Variants in MLLT3 observed in about 807,000 individuals in gnomAD.
MLLT3 encodes the protein MLLT3 super elongation complex subunit.
Under a neutral mutation model 53.2 loss-of-function variants are expected in MLLT3, and 4 were observed. The ratio of observed to expected loss-of-function variants is 0.08; its 90% CI spans 0.04 to 0.17. The LOEUF (loss-of-function observed/expected upper bound fraction) is 0.17. Ranked by LOEUF, MLLT3 falls within the 10% of genes least tolerant of loss-of-function variation. The pLI is 1.00. For missense variants in MLLT3, 569 were observed against 684.0 expected, an observed-to-expected ratio of 0.83 and a Z score of 1.87; for synonymous variants, 283 against 230.6, an observed-to-expected ratio of 1.23 and a Z score of -2.06.
intron 2 of MLLT3, among the ~76,000 whole-genome samples, chr9:20,583,126 T>C (rs1270538496): frequency 1.3e-5 from 2 of 152,124 alleles, no homozygotes; most frequent in Non-Finnish European, 2.9e-5. Flanking sequence ...AATACAACCA[T>C]TCCAAATGGG....
At position 20,493,368 on chromosome 9, in the gene MLLT3, C is replaced by T. The variant is rs1323387838; in HGVS notation, c.194-36582G>A. 3.9e-5 allele frequency among the ~76,000 whole-genome samples: 6 copies of T among 152,126 alleles called. No individual in the cohort carries two copies. The East Asian group carries it at 9.6e-4, about 24-fold the overall frequency. ...AACCAGGTTAATCTGACCTATCCAA[C>T]TCCAGCTTAGCTTTTAACACCCTGA... On this transcript the variant is annotated intron_variant, in intron 2 of 10. Transcript: ENST00000380338.
intron 10 of MLLT3, among the ~76,000 whole-genome samples, chr9:20,349,626 C>G (rs1398664635): frequency 2.0e-5 from 3 of 152,068 alleles, no homozygotes; most frequent in Non-Finnish European, 2.9e-5. Flanking sequence ...AAATAGAAAA[C>G]TGGGCAATAA....
Position 20,620,624 on chromosome 9 carries a change from T to C in MLLT3, c.193+30A>G, listed in dbSNP as rs765309383. ...AAGCGATTGTTTCAAAGACATTTTTTATCAAGACCCTTTTGTATTCGAGCC... is the reference window on the plus strand; with the variant it reads ...AAGCGATTGTTTCAAAGACATTTTTCATCAAGACCCTTTTGTATTCGAGCC... On this transcript the variant is annotated intron_variant, in intron 2 of 10. Transcript: ENST00000380338. This position sits in a 1 kb window ranked among gnomAD's most constrained non-coding sequence, Gnocchi z 6.1. 2 of 1,596,706 alleles carry C rather than the reference T, an allele frequency of 1.3e-6. No homozygotes were observed. Among genetic ancestry groups the C allele is most frequent in the African/African-American group, 1.3e-5 (1 of 74,420 alleles).
intron 2 of MLLT3, among the ~76,000 whole-genome samples, chr9:20,539,098 G>A (rs1818559126): frequency 6.6e-6 from 1 of 152,192 alleles, no homozygotes; most frequent in African/African-American, 2.4e-5. Flanking sequence ...CTGAAGGCTG[G>A]AGTAGCTGTG....
chr9:20,583,607 G>C (rs1299474592), intron 2 of MLLT3, among the ~76,000 whole-genome samples: 3 of 152,146 alleles, frequency 2.0e-5, no homozygotes, highest in Admixed American at 2.0e-4. Context: ...CTCAATCCTT[G>C]ACTTCTGTTG....
chr9:20,506,156 G>A (rs1185812591), intron 2 of MLLT3, among the ~76,000 whole-genome samples: 1 of 151,660 alleles, frequency 6.6e-6, no homozygotes, highest in Non-Finnish European at 1.5e-5. Context: ...CCAGGTTCAA[G>A]CAATTCTCCT....
At chr9:20,577,826 T>C (rs1325040776) in intron 2 of MLLT3, among the ~76,000 whole-genome samples, 4 of 152,208 alleles carry the variant, frequency 2.6e-5, no homozygotes, top group Non-Finnish European at 5.9e-5. Context: ...TCTGCTGCTG[T>C]GATAATGGAA....
At chr9:20,525,773 C>G (rs1289125937) in intron 2 of MLLT3, among the ~76,000 whole-genome samples, 1 of 152,154 alleles carries the variant, frequency 6.6e-6, no homozygotes, top group African/African-American at 2.4e-5. Context: ...ATGTGTCAGT[C>G]CAGGCTTTTA....
chr9:20,493,735 CTA>C (rs779408304), intron 2 of MLLT3, among the ~76,000 whole-genome samples: 1 of 151,960 alleles, frequency 6.6e-6, no homozygotes, highest in Non-Finnish European at 1.5e-5. Flanking sequence ...GTTAAAGAAA[CTA>C]TGAAAAATAG....
intron 4 of MLLT3, among the ~76,000 whole-genome samples, chr9:20,430,837 T>C (rs942992056): frequency 4.0e-5 from 6 of 151,868 alleles, no homozygotes; most frequent in African/African-American, 1.5e-4. Context: ...CAATAGTAAA[T>C]AGAAACAACA....
intron 2 of MLLT3, 128 bp from the exon 3 acceptor site, chr9:20,456,914 C>T (rs1295435871): frequency 2.4e-5 from 15 of 631,266 alleles, no homozygotes; most frequent in African/African-American, 3.9e-5. Flanking sequence ...TGCCAAACTC[C>T]CAGTTGAGTC....
intron 2 of MLLT3, among the ~76,000 whole-genome samples, chr9:20,554,723 A>G (rs1027364213): frequency 3.9e-5 from 6 of 152,222 alleles, no homozygotes; most frequent in Admixed American, 3.9e-4. Flanking sequence ...GTATATAGCT[A>G]TTAAGTACCT....
At chr9:20,368,774 T>C (rs1417855550) in intron 5 of MLLT3, among the ~76,000 whole-genome samples, 1 of 152,074 alleles carries the variant, frequency 6.6e-6, no homozygotes, top group African/African-American at 2.4e-5. Context: ...TGCCACAAAG[T>C]ATTTGAGAAG....
chr9:20,385,888 T>A (rs1057213636), intron 5 of MLLT3, among the ~76,000 whole-genome samples: 1 of 152,216 alleles, frequency 6.6e-6, no homozygotes, highest in African/African-American at 2.4e-5. Context: ...AAGATCCATT[T>A]CAATGGTCTC....
rs1278856333 is a variant in MLLT3, at chr9:20,344,486, T to C, written c.*1957A>G. 1.8e-5 allele frequency: 4 copies of C among 219,718 alleles called. No homozygotes were observed. The highest frequency in any genetic ancestry group is 1.3e-4 in the East Asian group (2 of 15,028). The allele number at this position is 219,718 out of a possible 1,614,324, so 13.6% of individuals were successfully genotyped here. ...CAACTGAAACCACACAATTCATCAA[T>C]CACCTAATGTCCAAAATGACTCAAA... On this transcript the variant is annotated 3_prime_UTR_variant, in exon 11 of 11. Coordinates refer to ENST00000380338, the MANE Select transcript of MLLT3 (RefSeq NM_004529.4).
At chr9:20,481,086 T>C (rs1197164502) in intron 2 of MLLT3, among the ~76,000 whole-genome samples, 2 of 152,148 alleles carry the variant, frequency 1.3e-5, no homozygotes, top group Non-Finnish European at 1.5e-5. Flanking sequence ...TTGGTAAAAA[T>C]GTTATTTATG....
At chr9:20,436,795 T>C (rs1419473487) in intron 4 of MLLT3, among the ~76,000 whole-genome samples, 2 of 152,172 alleles carry the variant, frequency 1.3e-5, no homozygotes, top group Non-Finnish European at 2.9e-5. Context: ...CTGTATGATT[T>C]ACTCATTTTA....
intron 2 of MLLT3, among the ~76,000 whole-genome samples, chr9:20,474,161 C>A (rs1035385605): frequency 1.3e-5 from 2 of 152,062 alleles, no homozygotes; most frequent in African/African-American, 4.8e-5. Flanking sequence ...CCCTCGACAC[C>A]ATTTCTATAA....
Position 20,620,572 on chromosome 9 carries a change from G to T in MLLT3, c.193+82C>A. Reference sequence around the variant, plus strand: ...CGGCGAGCGCGGCGCGGGGGGCGGGGAGCGGGACAGCGGGACCGCCCGGGC... The same window carrying T: ...CGGCGAGCGCGGCGCGGGGGGCGGGTAGCGGGACAGCGGGACCGCCCGGGC... On this transcript the variant is annotated intron_variant, in intron 2 of 10. Transcript: ENST00000380338. The surrounding 1 kb of genome is among the most constrained non-coding windows in gnomAD (Gnocchi z 6.1). 7.6e-7 allele frequency: 1 copy of T among 1,308,790 alleles called. No individual in the cohort carries two copies. Among genetic ancestry groups the T allele is most frequent in the Non-Finnish European group, 1.0e-6 (1 of 970,642 alleles). 81.1% of individuals were successfully genotyped at this position (1,308,790 alleles called of 1,614,324 possible).
Sources: gnomAD v4.1 joint callset for allele counts (sites outside exome capture counted in the v4.1 genomes callset) on GRCh38, gnomAD v4.1.1 for gene constraint, Gnocchi (gnomAD v3.1) non-coding constraint, MANE v1.5 for transcripts, NCBI Gene and HGNC (gene_info 2026-07-23, HGNC 2026-07-21) for gene names.